Variants in NBEA observed in about 807,000 individuals in gnomAD.
NBEA encodes the protein lysosomal-trafficking regulator 2.
A neutral mutation model predicts 343.4 loss-of-function variants in NBEA; 44 were observed. The ratio of observed to expected loss-of-function variants is 0.13; its 90% confidence interval spans 0.10 to 0.16. NBEA has a LOEUF of 0.16. NBEA is among the 10% of genes least tolerant of loss of function. The pLI, the probability that NBEA is intolerant of heterozygous loss-of-function variation, is 1.00. For missense variants in NBEA, 2,555 were observed against 3,631.3 expected (o/e 0.70, Z 7.62); for synonymous variants, 1,175 against 1,238.7 (o/e 0.95, Z 1.08).
intron 40 of NBEA, among the ~76,000 whole-genome samples, chr13:35,454,934 A>G (rs2046490587): frequency 6.6e-6 from 1 of 152,032 alleles, no homozygotes; most frequent in Non-Finnish European, 1.5e-5. Context: ...TACAATATTA[A>G]TATAATCTTA....
chr13:35,142,512 A>T (rs1397743414), intron 18 of NBEA, 135 bp downstream of exon 18: 1 of 485,690 alleles, frequency 2.1e-6, no homozygotes, highest in African/African-American at 2.0e-5. Context: ...ATGGTAAAAA[A>T]TGAATATATA....
intron 6 of NBEA, among the ~76,000 whole-genome samples, chr13:35,051,873 A>G (rs1205902367): frequency 6.6e-6 from 1 of 152,052 alleles, no homozygotes. Flanking sequence ...ATTTTAGGAA[A>G]TGGTGGTTTA....
chr13:35,566,618 A>G (rs2080150619), intron 44 of NBEA, among the ~76,000 whole-genome samples: 1 of 152,190 alleles, frequency 6.6e-6, no homozygotes, highest in Admixed American at 6.5e-5. Flanking sequence ...GGCCAGAGCT[A>G]CTTGTAAGGG....
At chr13:35,593,108 A>G in intron 46 of NBEA, 1 of 414,240 alleles carries the variant, frequency 2.4e-6, no homozygotes, top group Non-Finnish European at 4.3e-6. Context: ...TGAGAAGACC[A>G]GAAGCAAAAT....
intron 1 of NBEA, among the ~76,000 whole-genome samples, chr13:34,964,196 T>C (rs2059749702): frequency 6.6e-6 from 1 of 152,080 alleles, no homozygotes; most frequent in Admixed American, 6.6e-5. Context: ...CATATGTTGA[T>C]AGCTTTTGTG....
intron 11 of NBEA, among the ~76,000 whole-genome samples, chr13:35,108,179 ATGTGT>A (rs1271521490): frequency 2.6e-5 from 4 of 152,074 alleles, no homozygotes; most frequent in Admixed American, 1.3e-4. Flanking sequence ...GCGAGGAAAG[ATGTGT>A]TGTGTGATGT....
intron 48 of NBEA, among the ~76,000 whole-genome samples, chr13:35,619,610 A>G (rs1235253190): frequency 6.6e-6 from 1 of 152,120 alleles, no homozygotes; most frequent in Admixed American, 6.5e-5. Flanking sequence ...GGGGGCTCAG[A>G]TATTCTTCAC....
At chr13:35,422,446 G>A (rs777647764) in intron 38 of NBEA, among the ~76,000 whole-genome samples, 20 of 152,096 alleles carry the variant, frequency 1.3e-4, no homozygotes, top group Non-Finnish European at 2.4e-4. Context: ...ATGGTTTCCA[G>A]TTTCATCCAT....
At chr13:35,046,297 C>T (rs1365096013) in intron 4 of NBEA, among the ~76,000 whole-genome samples, 1 of 152,060 alleles carries the variant, frequency 6.6e-6, no homozygotes, top group Non-Finnish European at 1.5e-5. Context: ...CGATTAAATA[C>T]CTGAGTGAGA....
chr13:34,984,993 AT>A (rs2060494844), intron 1 of NBEA, among the ~76,000 whole-genome samples: 2 of 151,184 alleles, frequency 1.3e-5, no homozygotes, highest in South Asian at 4.2e-4. Flanking sequence ...AACAGGGACA[AT>A]TTGACTTCTT....
Position 35,157,193 on chromosome 13 carries a change from C to T in NBEA, c.2767C>T (p.Leu923Phe). 1.9e-6 allele frequency: 3 copies of T among 1,610,012 alleles called. No individual in the cohort carries two copies. The highest frequency in any genetic ancestry group is 2.5e-6 in the Non-Finnish European group (3 of 1,177,896). The stretch of plus-strand genomic sequence containing the variant: ...AATGGTCTACAATATCTTCCGGATT[C>T]TTTTGTATCATGCAATAAAATATGA... ...TEMVYNIFRI[L>F]LYHAIKYEWG... The change falls in exon 21 of 59, where the codon CTT (leucine) becomes TTT (phenylalanine). Residue 923 changes from leucine (L) to phenylalanine (F), a missense_variant. Physicochemically the swap from Leu to Phe is conservative, Grantham distance 22. Around this residue, in one of 21 missense-constraint regions of NBEA, gnomAD observed 360 missense variants for 519.1 expected, o/e 0.69. Coordinates refer to ENST00000379939, the MANE Select transcript of NBEA (RefSeq NM_001385012.1).
chr13:35,386,665 G>A (rs2042255794), intron 38 of NBEA, among the ~76,000 whole-genome samples: 1 of 152,020 alleles, frequency 6.6e-6, no homozygotes, highest in Admixed American at 6.6e-5. Flanking sequence ...CAATGTTTTG[G>A]TTAACTAGAT....
intron 38 of NBEA, 35 bp from the exon 39 acceptor site, chr13:35,432,234 T>C (rs768408265): frequency 2.0e-5 from 31 of 1,548,156 alleles, no homozygotes; most frequent in Non-Finnish European, 2.6e-5. Flanking sequence ...TGCATTGTTA[T>C]TAATAGGGAT....
chr13:34,990,472 C>G (rs567031395), intron 1 of NBEA, among the ~76,000 whole-genome samples: 2 of 151,200 alleles, frequency 1.3e-5, no homozygotes, highest in Admixed American at 1.3e-4. Context: ...TGAGATGTAT[C>G]TGGGGCCCTT....
chr13:35,116,644 CT>C (rs2066505765), intron 13 of NBEA, among the ~76,000 whole-genome samples: 1 of 151,974 alleles, frequency 6.6e-6, no homozygotes, highest in African/African-American at 2.4e-5. Context: ...AGGGATTATG[CT>C]TTTAAAACTT....
chr13:35,015,852 A>G (rs577903663), intron 1 of NBEA, among the ~76,000 whole-genome samples: 5 of 152,216 alleles, frequency 3.3e-5, no homozygotes, highest in African/African-American at 9.6e-5. Flanking sequence ...AACATTATGT[A>G]TAACAGTGAT....
chr13:34,995,063 G>T (rs1287512225), intron 1 of NBEA, among the ~76,000 whole-genome samples: 1 of 152,182 alleles, frequency 6.6e-6, no homozygotes, highest in Non-Finnish European at 1.5e-5. Context: ...TCTCTGCCCC[G>T]ACCTTCTGGC....
intron 1 of NBEA, among the ~76,000 whole-genome samples, chr13:34,992,222 ATGTGTGTGTGTGTGTG>A (rs552706153): frequency 8.2e-6 from 1 of 122,644 alleles, no homozygotes; most frequent in African/African-American, 2.9e-5. Flanking sequence ...GTGTGTGTAT[ATGTGTGTGTGTGTGTG>A]TATATATATA....
chr13:35,256,608 C>T (rs891668536), intron 34 of NBEA, among the ~76,000 whole-genome samples: 13 of 152,264 alleles, frequency 8.5e-5, no homozygotes, highest in South Asian at 2.1e-4. Flanking sequence ...TGCCGAGGGG[C>T]GCCTGCAGGC....
Sources: allele counts gnomAD v4.1 joint callset (sites outside exome capture counted in the v4.1 genomes callset), GRCh38; gene constraint gnomAD v4.1.1; regional missense constraint gnomAD v4.1.1; transcripts MANE v1.5; gene names NCBI Gene and HGNC (gene_info 2026-07-23, HGNC 2026-07-21).